PRKG1: variants seen among roughly 807,000 people sequenced by gnomAD.
PRKG1 encodes cGMP-dependent protein kinase 1.
In PRKG1, 35 loss-of-function variants were observed where a neutral mutation model predicts 88.1. That is an observed-to-expected ratio of 0.40 (90% CI 0.30 to 0.53). The LOEUF is 0.53. Among genes scored for constraint, PRKG1 ranks in the 20% least tolerant of loss-of-function variants. The pLI, the probability that PRKG1 is intolerant of heterozygous loss-of-function variation, is 0.59. For synonymous variants in PRKG1, 303 were observed against 292.5 expected (o/e 1.04, Z -0.37); for missense variants, 540 against 839.8 (o/e 0.64, Z 4.41).
At chr10:51,738,378 GAGTT>G (rs1464616541) in intron 3 of PRKG1, among the ~76,000 whole-genome samples, 31 of 152,182 alleles carry the variant, frequency 2.0e-4, no homozygotes, top group African/African-American at 7.0e-4. Context: ...CACATCACCT[GAGTT>G]CAAATTCTAT....
At chr10:52,234,099 G>C (rs1589721037) in intron 9 of PRKG1, among the ~76,000 whole-genome samples, 2 of 152,148 alleles carry the variant, frequency 1.3e-5, no homozygotes, top group African/African-American at 4.8e-5. Context: ...CTGCAGCTGA[G>C]GGTCCTGTCT....
rs183871775 is a variant in PRKG1 at position 51,376,870 on chromosome 10, T to A, written c.479-90853T>A. Among the ~76,000 whole-genome samples the A allele has an allele frequency of 5.5e-4, 83 of 152,202 alleles. 1 individual carries two copies. Among genetic ancestry groups the A allele is most frequent in the African/African-American group, 1.9e-3 (78 of 41,506 alleles). On this transcript the variant is annotated intron_variant, in intron 2 of 17. Coordinates refer to ENST00000373980, the MANE Select transcript of PRKG1 (RefSeq NM_006258.4). ...TGTATTTTTTTTAGTGGAGAAAAGGTTTCACCATGTTGGCCAGACTGTTTT... is the reference window on the plus strand; with the variant it reads ...TGTATTTTTTTTAGTGGAGAAAAGGATTCACCATGTTGGCCAGACTGTTTT...
intron 1 of PRKG1, among the ~76,000 whole-genome samples, chr10:51,019,247 T>A (rs1843104028): frequency 6.6e-6 from 1 of 152,148 alleles, no homozygotes; most frequent in Non-Finnish European, 1.5e-5. Flanking sequence ...TTTTATATAA[T>A]AAAGATGGAC....
At chr10:51,843,003 A>C (rs1023550728) in intron 4 of PRKG1, among the ~76,000 whole-genome samples, 1 of 151,692 alleles carries the variant, frequency 6.6e-6, no homozygotes, top group African/African-American at 2.4e-5. Context: ...TCAGATGGTC[A>C]TTATGAATAT....
chr10:52,256,867 G>T (rs900853386), intron 10 of PRKG1, among the ~76,000 whole-genome samples: 1 of 139,042 alleles, frequency 7.2e-6, no homozygotes, highest in African/African-American at 2.5e-5. Context: ...CATGAGAGGA[G>T]ATGGGAAACA....
chr10:52,169,114 A>G (rs1838584477), intron 9 of PRKG1, among the ~76,000 whole-genome samples: 1 of 152,198 alleles, frequency 6.6e-6, no homozygotes, highest in African/African-American at 2.4e-5. Context: ...TAAAGGTTAG[A>G]GAAGAAAGAA....
At chr10:52,240,235 G>A (rs1024447146) in intron 9 of PRKG1, among the ~76,000 whole-genome samples, 1 of 152,120 alleles carries the variant, frequency 6.6e-6, no homozygotes, top group African/African-American at 2.4e-5. Flanking sequence ...CACTTGAAAC[G>A]CTGTGATGAA....
At chr10:51,112,940 A>G (rs1845012893) in intron 1 of PRKG1, among the ~76,000 whole-genome samples, 1 of 152,194 alleles carries the variant, frequency 6.6e-6, no homozygotes, top group Non-Finnish European at 1.5e-5. Context: ...GGTTGTATTC[A>G]GCAGAAATTG....
chr10:52,003,937 C>T (rs1170527398), intron 5 of PRKG1, among the ~76,000 whole-genome samples: 1 of 152,148 alleles, frequency 6.6e-6, no homozygotes, highest in Non-Finnish European at 1.5e-5. Flanking sequence ...CCTAGAAAGT[C>T]ATTTAACCTC....
At chr10:51,602,706 C>T (rs1386259619) in intron 3 of PRKG1, among the ~76,000 whole-genome samples, 7 of 148,880 alleles carry the variant, frequency 4.7e-5, no homozygotes, top group Middle Eastern at 3.3e-3. Context: ...TGAGCCACTG[C>T]GCCTGGCTGG....
chr10:51,392,976 C>T (rs1411321480), intron 2 of PRKG1, among the ~76,000 whole-genome samples: 1 of 146,428 alleles, frequency 6.8e-6, no homozygotes, highest in Admixed American at 6.7e-5. Flanking sequence ...CCACCTCCCT[C>T]CCGGACAGGG....
chr10:51,797,559 TTTA>T (rs1400397861), intron 3 of PRKG1, among the ~76,000 whole-genome samples: 4 of 146,994 alleles, frequency 2.7e-5, no homozygotes, highest in South Asian at 2.1e-4. Flanking sequence ...AATATAATAT[TTTA>T]TTATATTATT....
At chr10:51,170,123 C>T (rs930885961) in intron 2 of PRKG1, among the ~76,000 whole-genome samples, 1 of 152,034 alleles carries the variant, frequency 6.6e-6, no homozygotes, top group Non-Finnish European at 1.5e-5. Context: ...TATAAGCACA[C>T]TGGTCAGATT....
intron 2 of PRKG1, among the ~76,000 whole-genome samples, chr10:51,294,536 C>T (rs978214859): frequency 2.6e-5 from 4 of 151,962 alleles, no homozygotes; most frequent in South Asian, 2.1e-4. Flanking sequence ...TGGGTGGATT[C>T]GTTAGGTTGG....
chr10:51,875,422 A>C (rs1200968332), intron 4 of PRKG1, among the ~76,000 whole-genome samples: 1 of 151,656 alleles, frequency 6.6e-6, no homozygotes, highest in African/African-American at 2.4e-5. Context: ...CATATTAATT[A>C]ATTGATTGAT....
At chr10:51,556,458 C>T (rs1023233442) in intron 3 of PRKG1, among the ~76,000 whole-genome samples, 8 of 151,530 alleles carry the variant, frequency 5.3e-5, no homozygotes, top group Non-Finnish European at 7.4e-5. Flanking sequence ...GCACTAGTCA[C>T]GATAGCAAAG....
Position 51,386,741 on chromosome 10 carries a change from G to A in PRKG1, c.479-80982G>A, listed in dbSNP as rs146093716. On this transcript the variant is annotated intron_variant, in intron 2 of 17. Transcript: ENST00000373980. Reference sequence around the variant, plus strand: ...TGATCAATTGTCTAGGCATCCCATGGCCCAGTCAAGTTGACACATAAAATT... The same window carrying A: ...TGATCAATTGTCTAGGCATCCCATGACCCAGTCAAGTTGACACATAAAATT... 6.4e-3 allele frequency among the ~76,000 whole-genome samples: 967 copies of A among 152,152 alleles called. 6 individuals carry two copies. Among genetic ancestry groups the A allele is most frequent in the South Asian group, 0.015 (74 of 4,812 alleles).
chr10:51,684,593 G>C (rs1479494635), intron 3 of PRKG1, among the ~76,000 whole-genome samples: 1 of 152,084 alleles, frequency 6.6e-6, no homozygotes, highest in Admixed American at 6.5e-5. Context: ...AATTTGGCCA[G>C]GCGCAGTGGC....
intron 1 of PRKG1, among the ~76,000 whole-genome samples, chr10:51,017,158 G>T (rs939484043): frequency 2.0e-5 from 3 of 151,956 alleles, no homozygotes; most frequent in Non-Finnish European, 1.5e-5. Context: ...CCTCTAAAAA[G>T]CCTTCCATGA....
Sources: allele counts gnomAD v4.1 joint callset (sites outside exome capture counted in the v4.1 genomes callset), GRCh38; gene constraint gnomAD v4.1.1; transcripts MANE v1.5; gene names NCBI Gene and HGNC (gene_info 2026-07-23, HGNC 2026-07-21).